Variants in SUN2 observed in about 807,000 individuals in gnomAD.
SUN2 encodes the protein Sad1 and UNC84 domain containing 2.
SUN2 carries 60 observed loss-of-function variants against 100.0 expected under a neutral mutation model. The observed-to-expected ratio is 0.60, with a 90% CI of 0.49 to 0.74. The LOEUF (loss-of-function observed/expected upper bound fraction) is 0.74, where lower values mean the gene tolerates loss of function less well. Among genes scored for constraint, SUN2 ranks in the 30% least tolerant of loss-of-function variants. The probability of loss-of-function intolerance (pLI) is 0.00; values close to 1 mark genes in which losing one functional copy is unlikely to be tolerated. For synonymous variants in SUN2, 367 were observed against 403.3 expected (o/e 0.91, Z 1.08); for missense variants, 834 against 954.6 (o/e 0.87, Z 1.66).
intron 17 of SUN2, chr22:38,736,598 C>T (rs2092807547): frequency 5.0e-6 from 2 of 399,158 alleles, no homozygotes. Flanking sequence ...CACACTTCAT[C>T]TGAAACCGGA....
At chr22:38,741,139 C>G in intron 10 of SUN2, 89 bp from the exon 11 acceptor site, 1 of 1,416,494 alleles carries the variant, frequency 7.1e-7, no homozygotes. Context: ...AGCGTCTTTG[C>G]TTAACCACAC....
In SUN2 at chr22:38,739,635, C is replaced by T. The variant is rs2092836997; in HGVS notation, c.1578+87G>A. 3 of 1,496,738 alleles carry T rather than the reference C, an allele frequency of 2.0e-6. No homozygotes were observed. The highest frequency in any genetic ancestry group is 1.8e-4 in the Middle Eastern group (1 of 5,714). 92.7% of individuals were successfully genotyped at this position (1,496,738 alleles called of 1,614,324 possible). ...CTTGGCACTTCCATCCTGGAACCTG[C>T]CAGGGAGCTGGCAGTGTGGGACTGT... is the stretch of plus-strand genomic sequence containing the variant. On this transcript the variant is annotated intron_variant, in intron 13 of 17. Coordinates refer to ENST00000689035, the MANE Select transcript of SUN2 (RefSeq NM_015374.3). The surrounding 1 kb of genome is among the most constrained non-coding windows in gnomAD (Gnocchi z 6.7).
rs753979660 is a variant in SUN2, at chr22:38,739,733, C to T, written c.1567G>A (p.Val523Met). 1 of 1,613,592 alleles carries T rather than the reference C, an allele frequency of 6.2e-7. No individual in the cohort carries two copies. Among genetic ancestry groups the T allele is most frequent in the Non-Finnish European group, 8.5e-7 (1 of 1,179,968 alleles). ...LTLQKEGVIG[V>M]TEEQVHHIVK... ...CATGTGGGCCTCACCTCCTCTGTCA[C>T]TCCAATCACACCTTCTTTCTGCAGC... The change falls in exon 13 of 18, where the codon GTG (valine) becomes ATG (methionine). Residue 523 changes from valine (V) to methionine (M), a missense_variant. Val to Met is a conservative substitution (Grantham distance 21, BLOSUM62 1). Transcript: ENST00000689035. The surrounding 1 kb of genome is among the most constrained non-coding windows in gnomAD (Gnocchi z 6.7).
Position 38,740,774 on chromosome 22 carries a change from G to A in SUN2, c.1190+233C>T, listed in dbSNP as rs895560729. On this transcript the variant is annotated intron_variant, in intron 11 of 17. Coordinates refer to ENST00000689035, the MANE Select transcript of SUN2 (RefSeq NM_015374.3). This position sits in a 1 kb window ranked among gnomAD's most constrained non-coding sequence, Gnocchi z 4.8. ...GATGCTGTGTCTATAAATGAATCCCGGTCCTCTCACACAGCCTGCCCCCCG... is the reference window on the plus strand; with the variant it reads ...GATGCTGTGTCTATAAATGAATCCCAGTCCTCTCACACAGCCTGCCCCCCG... The A allele has an allele frequency of 6.7e-5, 40 of 598,732 alleles. No individual in the cohort carries two copies. The highest frequency in any genetic ancestry group is 1.2e-4 in the Admixed American group (4 of 33,862). 37.1% of individuals were successfully genotyped at this position (598,732 alleles called of 1,614,324 possible). A position where few individuals can be genotyped will look rare whatever the true frequency, so the allele number is the denominator to read the frequency against.
intron 8 of SUN2, among the ~76,000 whole-genome samples, chr22:38,744,824 G>A (rs1042584066): frequency 4.6e-5 from 7 of 152,186 alleles, no homozygotes; most frequent in African/African-American, 9.7e-5. Flanking sequence ...TAAATTGTCA[G>A]TATCAGTACC....
At chr22:38,754,753 G>T (rs1019370930) in intron 1 of SUN2, 2 of 1,287,026 alleles carry the variant, frequency 1.6e-6, no homozygotes. Flanking sequence ...CCATACCCAA[G>T]CTGCCGCTGG....
rs376290924 is a variant in SUN2 at position 38,739,671 on chromosome 22, C to T, written c.1578+51G>A. 3.5e-5 allele frequency: 55 copies of T among 1,589,248 alleles called. No individual in the cohort carries two copies. In the African/African-American group the frequency reaches 7.1e-4, roughly 21 times the overall value. ...GCAGTGTGGGACTGTCCAGGGCTCC[C>T]AGGGAGGAGAGCTGTGGGTGGGTGT... On this transcript the variant is annotated intron_variant, in intron 13 of 17. Transcript: ENST00000689035. The surrounding 1 kb of genome is among the most constrained non-coding windows in gnomAD (Gnocchi z 6.7).
At chr22:38,744,179 G>A (rs9607568) in intron 8 of SUN2, among the ~76,000 whole-genome samples, 10 of 149,766 alleles carry the variant, frequency 6.7e-5, no homozygotes, top group Non-Finnish European at 1.0e-4. Flanking sequence ...GGTGTAGGCT[G>A]CAGTGAGCCC....
chr22:38,742,276 C>A, intron 9 of SUN2, 25 bp downstream of exon 9: 1 of 1,568,384 alleles, frequency 6.4e-7, no homozygotes, highest in South Asian at 1.2e-5. Context: ...ACCCACCTCC[C>A]ACCCTGAGGT....
chr22:38,735,314 A>T lies in SUN2; in HGVS notation c.*953T>A, dbSNP rs780570850. The stretch of plus-strand genomic sequence containing the variant: ...ACGACCCCTACATCAGGGCCTGGTT[A>T]GATGTGGGGGCCGGTGCAGACAGAC... On this transcript the variant is annotated 3_prime_UTR_variant, in exon 18 of 18. Transcript: ENST00000689035. The T allele has an allele frequency of 4.5e-6, 2 of 445,200 alleles. No homozygotes were observed. The highest frequency in any genetic ancestry group is 3.2e-5 in the South Asian group (2 of 63,444). The allele number at this position is 445,200 out of a possible 1,614,324, so 27.6% of individuals were successfully genotyped here.
chr22:38,738,334 C>A lies in SUN2; in HGVS notation c.1948-69G>T. ...AGAACACCCCTCCCCACTCCAATCC[C>A]TGCTCCTCCCACCCAGCAGGTCAGG... On this transcript the variant is annotated intron_variant, in intron 16 of 17. Transcript: ENST00000689035. The surrounding 1 kb of genome is among the most constrained non-coding windows in gnomAD (Gnocchi z 6.6). 1 of 1,365,848 alleles carries A rather than the reference C, an allele frequency of 7.3e-7. No individual in the cohort carries two copies. Among genetic ancestry groups the A allele is most frequent in the East Asian group, 2.3e-5 (1 of 43,354 alleles). The allele number at this position is 1,365,848 out of a possible 1,614,324, so 84.6% of individuals were successfully genotyped here.
rs1482202326 is a variant in SUN2, at chr22:38,755,818, CG to C, written c.-94del. 21 of 983,670 alleles carry C rather than the reference CG, an allele frequency of 2.1e-5. No individual in the cohort carries two copies. The highest frequency in any genetic ancestry group is 2.5e-5 in the Non-Finnish European group (21 of 829,332). 60.9% of individuals were successfully genotyped at this position (983,670 alleles called of 1,614,324 possible). A position where few individuals can be genotyped will look rare whatever the true frequency, so the allele number is the denominator to read the frequency against. ...GGGGCGTCCGAGGCCAGGCCGCCGC[CG>C]GGGCGCGCCCCCTTTCCGCGTGGGG... On this transcript the variant is annotated 5_prime_UTR_variant, in exon 1 of 18. Coordinates refer to ENST00000689035, the MANE Select transcript of SUN2 (RefSeq NM_015374.3). This position sits in a 1 kb window ranked among gnomAD's most constrained non-coding sequence, Gnocchi z 5.7.
At chr22:38,749,070 C>CT (rs1186053906) in intron 6 of SUN2, 1 of 399,990 alleles carries the variant, frequency 2.5e-6, no homozygotes, top group East Asian at 3.8e-5. Context: ...GACAGGTCCT[C>CT]TAAGTATGCA....
At chr22:38,754,071 C>G (rs950990581) in intron 1 of SUN2, among the ~76,000 whole-genome samples, 5 of 152,122 alleles carry the variant, frequency 3.3e-5, no homozygotes, top group African/African-American at 1.2e-4. Flanking sequence ...CCATGTGGGG[C>G]AGAAATCAAG....
chr22:38,738,211 C>A lies in SUN2; in HGVS notation c.2002G>T (p.Asp668Tyr), dbSNP rs549404842. ...EGTLLGKFTY[D>Y]QDGEPIQTFH... is the part of the protein sequence containing the mutation. ...GTCTGAATAGGCTCGCCGTCCTGAT[C>A]GTAAGTGAACTTGCCAAGGAGTGTC... The change falls in exon 17 of 18, where the codon GAT becomes TAT. Residue 668 changes from aspartate (D) to tyrosine (Y), a missense_variant. Asp to Tyr is a radical substitution (Grantham distance 160). This residue lies in a region of SUN2 where 80 missense variants were observed against 76.7 expected (regional missense o/e 1.04). Transcript: ENST00000689035. This position sits in a 1 kb window ranked among gnomAD's most constrained non-coding sequence, Gnocchi z 6.6. The A allele has an allele frequency of 3.7e-6, 6 of 1,613,956 alleles. No individual in the cohort carries two copies. In the East Asian group the frequency reaches 1.3e-4, roughly 36 times the overall value.
At chr22:38,741,690 C>T (rs2092859064) in intron 9 of SUN2, 119 bp from the exon 10 acceptor site, 2 of 896,548 alleles carry the variant, frequency 2.2e-6, no homozygotes, top group South Asian at 3.0e-5. Context: ...AGCCCTGGCT[C>T]TCAGCCTTCT....
chr22:38,740,705 A>T lies in SUN2; in HGVS notation c.1191-273T>A. ...CCTCTCACATCCTCCACAAGCATGG[A>T]CATCTGGGGCATGAGAAGGCAGTTA... On this transcript the variant is annotated intron_variant, in intron 11 of 17. Transcript: ENST00000689035. The surrounding 1 kb of genome is among the most constrained non-coding windows in gnomAD (Gnocchi z 4.8). The T allele has an allele frequency of 1.7e-6, 1 of 578,538 alleles. No individual in the cohort carries two copies. The highest frequency in any genetic ancestry group is 2.2e-5 in the South Asian group (1 of 45,368). The allele number at this position is 578,538 out of a possible 1,614,324, so 35.8% of individuals were successfully genotyped here.
Position 38,749,798 on chromosome 22 carries a change from AG to A in SUN2, c.581del (p.Ala194ValfsTer10). The A allele has an allele frequency of 6.2e-7, 1 of 1,614,176 alleles. No homozygotes were observed. Among genetic ancestry groups the A allele is most frequent in the Non-Finnish European group, 8.5e-7 (1 of 1,180,036 alleles). On this transcript the variant is annotated frameshift_variant, in exon 6 of 18. Coordinates refer to ENST00000689035, the MANE Select transcript of SUN2 (RefSeq NM_015374.3). LOFTEE classifies it high-confidence loss of function. ...AGTTWYRLTT[A>X]ASLLDVFVLT... Reference sequence around the variant, plus strand: ...AAACGAAGACGTCAAGGAGGGAGGCAGCTGTGGTCAGGCGGTACCAGGTGGT... The same window carrying A: ...AAACGAAGACGTCAAGGAGGGAGGCACTGTGGTCAGGCGGTACCAGGTGGT...
At chr22:38,741,409 T>C in intron 10 of SUN2, 85 bp downstream of exon 10, 1 of 1,399,824 alleles carries the variant, frequency 7.1e-7, no homozygotes, top group Non-Finnish European at 1.0e-6. Context: ...AACAGTCCCT[T>C]TGGAAGGGCC....
Sources: allele counts gnomAD v4.1 joint callset (sites outside exome capture counted in the v4.1 genomes callset), GRCh38; gene constraint gnomAD v4.1.1; regional missense constraint gnomAD v4.1.1; non-coding constraint Gnocchi (gnomAD v3.1); transcripts MANE v1.5; gene names NCBI Gene and HGNC (gene_info 2026-07-23, HGNC 2026-07-21).